Variants in RIMBP2 observed in about 807,000 individuals in gnomAD.
RIMBP2 encodes the protein RIMS-binding protein 2.
A neutral mutation model predicts 118.6 loss-of-function variants in RIMBP2; 48 were observed. The ratio of observed to expected loss-of-function variants is 0.40; its 90% CI spans 0.32 to 0.51. RIMBP2 has a LOEUF of 0.51. Ranked by LOEUF, RIMBP2 falls within the 20% of genes least tolerant of loss-of-function variation. RIMBP2 has a pLI of 0.41. For synonymous variants in RIMBP2, 762 were observed against 742.9 expected (o/e 1.03, Z -0.42); for missense variants, 1,551 against 1,768.3 (o/e 0.88, Z 2.20).
intron 1 of RIMBP2, among the ~76,000 whole-genome samples, chr12:130,631,787 A>G (rs147781692): frequency 6.6e-6 from 1 of 152,332 alleles, no homozygotes; most frequent in African/African-American, 2.4e-5. Context: ...TGGGTATGGA[A>G]AGAAGAGACA....
At chr12:130,625,684 AATCT>A (rs1230376800) in intron 2 of RIMBP2, among the ~76,000 whole-genome samples, 2 of 152,354 alleles carry the variant, frequency 1.3e-5, no homozygotes, top group South Asian at 4.1e-4. Flanking sequence ...AGCAGCCAAC[AATCT>A]ATCAAAAAAA....
At chr12:130,455,354 G>T (rs1396344720) in intron 7 of RIMBP2, among the ~76,000 whole-genome samples, 1 of 152,120 alleles carries the variant, frequency 6.6e-6, no homozygotes, top group African/African-American at 2.4e-5. Context: ...TGGATCAGAG[G>T]CTCCCCACGT....
intron 4 of RIMBP2, among the ~76,000 whole-genome samples, chr12:130,501,121 T>C (rs1285693770): frequency 1.3e-5 from 2 of 152,104 alleles, no homozygotes; most frequent in Non-Finnish European, 2.9e-5. Context: ...ACGTCCTGAC[T>C]CCTTCCTGCC....
At chr12:130,509,492 G>A (rs2050688901) in intron 3 of RIMBP2, among the ~76,000 whole-genome samples, 2 of 152,216 alleles carry the variant, frequency 1.3e-5, no homozygotes, top group Admixed American at 6.5e-5. Context: ...TTTGCCACCT[G>A]TGCTATGTGT....
intron 6 of RIMBP2, among the ~76,000 whole-genome samples, chr12:130,462,713 A>G (rs189723631): frequency 3.7e-4 from 57 of 152,310 alleles, no homozygotes; most frequent in African/African-American, 1.4e-3. Context: ...AATGAGCATC[A>G]TGGGGCCAAA....
chr12:130,599,750 C>A (rs971527268), intron 2 of RIMBP2, among the ~76,000 whole-genome samples: 2 of 152,180 alleles, frequency 1.3e-5, no homozygotes, highest in African/African-American at 2.4e-5. Context: ...ACAGTTTCTG[C>A]AAATGTTAAA....
At chr12:130,443,725 T>C (rs561585173) in intron 10 of RIMBP2, among the ~76,000 whole-genome samples, 6 of 152,322 alleles carry the variant, frequency 3.9e-5, no homozygotes, top group South Asian at 4.1e-4. Context: ...TATTTAAAAA[T>C]CCTTAGTTTG....
At position 130,447,285 on chromosome 12, in the gene RIMBP2, G is replaced by A. The variant is rs557238649; in HGVS notation, c.582-2016C>T. ...GAAGGTCCCTGGCTGGTAAGGGCAC[G>A]GAGAAGAAGTGGGAGATCCTACGGC... On this transcript the variant is annotated intron_variant, in intron 9 of 22. Coordinates refer to ENST00000690449, the MANE Select transcript of RIMBP2 (RefSeq NM_001393629.1). The surrounding 1 kb of genome is among the most constrained non-coding windows in gnomAD (Gnocchi z 4.4). 5.9e-5 allele frequency among the ~76,000 whole-genome samples: 9 copies of A among 152,026 alleles called. No homozygotes were observed. Among genetic ancestry groups the A allele is most frequent in the Non-Finnish European group, 7.4e-5 (5 of 67,962 alleles).
At chr12:130,463,807 G>C (rs2080217387) in intron 6 of RIMBP2, among the ~76,000 whole-genome samples, 1 of 151,968 alleles carries the variant, frequency 6.6e-6, no homozygotes, top group Admixed American at 6.6e-5. Flanking sequence ...CACAGGATGA[G>C]ATAGGAGCTC....
At chr12:130,462,805 CTGCT>C (rs1323028774) in intron 6 of RIMBP2, among the ~76,000 whole-genome samples, 1 of 152,262 alleles carries the variant, frequency 6.6e-6, no homozygotes, top group Non-Finnish European at 1.5e-5. Context: ...CCTCTCCTGC[CTGCT>C]TGTCCACCAG....
At chr12:130,441,401 A>AAAT (rs58605863) in intron 11 of RIMBP2, among the ~76,000 whole-genome samples, 9,262 of 122,678 alleles carry the variant, frequency 0.075, 389 homozygotes, top group Admixed American at 0.14. Flanking sequence ...ACTCCATCTC[A>AAAT]AATAATAATA....
chr12:130,397,742 ATG>A (rs1366235939), intron 22 of RIMBP2, 193 bp from the exon 23 acceptor site: 2 of 374,338 alleles, frequency 5.3e-6, no homozygotes, highest in East Asian at 7.7e-5. Flanking sequence ...CCAGACATAA[ATG>A]TGTGGGTTCC....
chr12:130,548,172 T>A (rs1306041177), intron 2 of RIMBP2, among the ~76,000 whole-genome samples: 3 of 152,042 alleles, frequency 2.0e-5, no homozygotes, highest in Non-Finnish European at 4.4e-5. Flanking sequence ...CACGGCTTGT[T>A]CCACTCGGGC....
intron 2 of RIMBP2, among the ~76,000 whole-genome samples, chr12:130,559,214 T>C (rs2056616918): frequency 6.6e-6 from 1 of 152,182 alleles, no homozygotes. Context: ...ATACAAAACA[T>C]TGCTATTACC....
intron 1 of RIMBP2, among the ~76,000 whole-genome samples, chr12:130,660,805 C>T (rs1304940643): frequency 6.7e-6 from 1 of 148,656 alleles, no homozygotes; most frequent in Non-Finnish European, 1.5e-5. Flanking sequence ...CATGGCGGCA[C>T]GCACCAGGGC....
rs58189871 is a variant in RIMBP2, at chr12:130,431,355, A to G, written c.2254-3018T>C. On this transcript the variant is annotated intron_variant, in intron 14 of 22. Coordinates refer to ENST00000690449, the MANE Select transcript of RIMBP2 (RefSeq NM_001393629.1). This position sits in a 1 kb window ranked among gnomAD's most constrained non-coding sequence, Gnocchi z 4.0. ...ATGGGGAAGCGGATGGTCAGGGAAC[A>G]CTTCCCGGGTTGTAAAACTGGCAGT... is the stretch of plus-strand genomic sequence containing the variant. 0.018 allele frequency: 6,311 copies of G among 344,362 alleles called. 365 individuals are homozygous for G. The highest frequency in any genetic ancestry group is 0.12 in the African/African-American group (5,742 of 47,852). 21.3% of individuals were successfully genotyped at this position (344,362 alleles called of 1,614,324 possible). A position where few individuals can be genotyped will look rare whatever the true frequency, so the allele number is the denominator to read the frequency against.
intron 1 of RIMBP2, among the ~76,000 whole-genome samples, chr12:130,645,920 T>C (rs1042986243): frequency 1.3e-5 from 2 of 152,176 alleles, no homozygotes; most frequent in Non-Finnish European, 2.9e-5. Context: ...TCTTTTCAGT[T>C]ACTAAGTCAC....
rs1307396513 is a variant in RIMBP2 at position 130,523,772 on chromosome 12, G to C, written c.-216-5855C>G. Among the ~76,000 whole-genome samples, 1 of 152,228 alleles carries C rather than the reference G, an allele frequency of 6.6e-6. No homozygotes were observed. The highest frequency in any genetic ancestry group is 1.5e-5 in the Non-Finnish European group (1 of 68,046). Reference sequence around the variant, plus strand: ...AGGAGCACCCTCTGCCCCCAGCCTTGTGGGTGCAGCAGACAGCGCAGGGCA... The same window carrying C: ...AGGAGCACCCTCTGCCCCCAGCCTTCTGGGTGCAGCAGACAGCGCAGGGCA... On this transcript the variant is annotated intron_variant, in intron 2 of 22. Transcript: ENST00000690449. The surrounding 1 kb of genome is among the most constrained non-coding windows in gnomAD (Gnocchi z 4.4).
intron 2 of RIMBP2, among the ~76,000 whole-genome samples, chr12:130,592,901 C>T (rs1211947766): frequency 1.3e-5 from 2 of 152,130 alleles, no homozygotes; most frequent in Non-Finnish European, 2.9e-5. Flanking sequence ...TGAGAGCGAG[C>T]GCGGCTTCCA....
Sources: allele counts gnomAD v4.1 joint callset (sites outside exome capture counted in the v4.1 genomes callset), GRCh38; gene constraint gnomAD v4.1.1; non-coding constraint Gnocchi (gnomAD v3.1); transcripts MANE v1.5; gene names NCBI Gene and HGNC (gene_info 2026-07-23, HGNC 2026-07-21).